The following SIN3B variants were observed in gnomAD, a reference collection of about 807,000 sequenced individuals.
SIN3B encodes the protein SIN3 transcription regulator family member B, also known as paired amphipathic helix protein Sin3b.
SIN3B carries 19 observed loss-of-function variants against 120.2 expected under a neutral mutation model. That is an observed-to-expected ratio of 0.16 (90% CI 0.11 to 0.23). SIN3B has a LOEUF of 0.23. SIN3B is among the 10% of genes least tolerant of loss of function. The probability of loss-of-function intolerance (pLI) is 1.00; values close to 1 mark genes in which losing one functional copy is unlikely to be tolerated. For missense variants in SIN3B, 1,073 were observed against 1,573.0 expected (o/e 0.68, Z 5.38); for synonymous variants, 654 against 653.2 (o/e 1.00, Z -0.02).
chr19:16,839,944 CAGTG>C (rs1971396206), intron 3 of SIN3B, among the ~76,000 whole-genome samples: 3 of 152,118 alleles, frequency 2.0e-5, no homozygotes, highest in Admixed American at 2.0e-4. Context: ...GCAAAGGTTG[CAGTG>C]AGCCGGGATC....
Position 16,869,801 on chromosome 19 carries a change from C to T in SIN3B, c.2148C>T (p.Phe716=), listed in dbSNP as rs750874708. 21 of 1,613,518 alleles carry T rather than the reference C, an allele frequency of 1.3e-5. No homozygotes were observed. The highest frequency in any genetic ancestry group is 1.2e-4 in the South Asian group (11 of 91,078). The change falls in exon 13 of 19, where the codon TTC becomes TTT. Residue 716 remains phenylalanine, a synonymous_variant. Transcript: ENST00000248054. The part of the protein sequence containing the change: ...HSSPPEEKGA[F]GDAPATEQPP... ...GCCCCCCAGAGGAGAAGGGGGCCTT[C>T]GGGGATGCCCCGGCCACTGAGCAGC...
intron 3 of SIN3B, among the ~76,000 whole-genome samples, chr19:16,832,338 C>G (rs1005103733): frequency 2.0e-5 from 3 of 151,780 alleles, no homozygotes; most frequent in African/African-American, 7.3e-5. Flanking sequence ...GCTGGGATTA[C>G]AGGTGTGCAC....
At chr19:16,829,715 T>C in intron 1 of SIN3B, 76 bp from the exon 2 acceptor site, 1 of 1,122,664 alleles carries the variant, frequency 8.9e-7, no homozygotes, top group Non-Finnish European at 1.2e-6. Context: ...GCCCATCCCC[T>C]TCCCCTCAGG....
chr19:16,835,480 C>T (rs1346349718), intron 3 of SIN3B, among the ~76,000 whole-genome samples: 2 of 144,672 alleles, frequency 1.4e-5, no homozygotes, highest in Non-Finnish European at 3.0e-5. Context: ...CTGCCCACCT[C>T]GGCCTCCCAA....
intron 4 of SIN3B, among the ~76,000 whole-genome samples, chr19:16,842,171 T>A (rs140942916): frequency 1.8e-3 from 280 of 152,178 alleles, no homozygotes; most frequent in African/African-American, 6.4e-3. Context: ...CATTGCAACC[T>A]CCACCTCCTG....
rs141227814 is a variant in SIN3B at position 16,841,775 on chromosome 19, C to T, written c.389C>T (p.Ser130Leu). The T allele has an allele frequency of 1.3e-4, 215 of 1,613,494 alleles. 1 individual carries two copies. Among genetic ancestry groups the T allele is most frequent in the South Asian group, 6.5e-4 (59 of 91,046 alleles). The change falls in exon 4 of 19, where the codon TCG becomes TTG. Residue 130 changes from serine to leucine, a missense_variant. This residue lies in a region of SIN3B where 395 missense variants were observed against 528.0 expected (regional missense o/e 0.75). Transcript: ENST00000248054. ...IQSPLTSQENSHNHGDGAEDF... is the reference protein window; with the variant it reads ...IQSPLTSQENLHNHGDGAEDF... ...TCATTGTCGCCTTGTCAGGAGAATT[C>T]GCACAACCACGGGGACGGTGCAGAG... is the stretch of plus-strand genomic sequence containing the variant.
rs1199134961 is a variant in SIN3B at position 16,862,575 on chromosome 19, G to C, written c.1266+16G>C. ...CTGCAAGGAGGTAGCGCTCCCTGGG[G>C]CTCAAATGTTCGTTGACATGGTGCA... is the stretch of plus-strand genomic sequence containing the variant. On this transcript the variant is annotated intron_variant, in intron 9 of 18. Coordinates refer to ENST00000248054, the MANE Select transcript of SIN3B (RefSeq NM_001297595.2). This position sits in a 1 kb window ranked among gnomAD's most constrained non-coding sequence, Gnocchi z 4.7. The C allele has an allele frequency of 1.9e-5, 30 of 1,606,512 alleles. No homozygotes were observed. Among genetic ancestry groups the C allele is most frequent in the Non-Finnish European group, 2.5e-5 (30 of 1,176,986 alleles).
At chr19:16,866,309 C>T (rs1420367707) in intron 11 of SIN3B, 64 bp from the exon 12 acceptor site, 25 of 1,510,920 alleles carry the variant, frequency 1.7e-5, no homozygotes, top group Non-Finnish European at 2.2e-5. Flanking sequence ...ACAGGCCAGC[C>T]CTGGGATGCT....
rs747740803 is a variant in SIN3B, at chr19:16,869,752, A to G, written c.2099A>G (p.Lys700Arg). Residue 700 changes from lysine (K) to arginine (R), a missense_variant, in exon 13 of 19, where the codon AAG becomes AGG. By Grantham distance (26) the Lys-to-Arg change is conservative. This residue lies in a region of SIN3B where 169 missense variants were observed against 207.3 expected (regional missense o/e 0.82). Transcript: ENST00000248054. ...GQTTDPSERK[K>R]PAPGPHSSPP... is the part of the protein sequence containing the mutation. ...ACCACAGACCCCAGTGAGCGGAAGA[A>G]GCCGGCGCCAGGACCCCACAGTAGC... The G allele has an allele frequency of 5.6e-6, 9 of 1,613,244 alleles. No individual in the cohort carries two copies. The highest frequency in any genetic ancestry group is 7.6e-6 in the Non-Finnish European group (9 of 1,179,922).
intron 14 of SIN3B, among the ~76,000 whole-genome samples, chr19:16,872,867 G>A (rs1252169079): frequency 6.6e-6 from 1 of 152,158 alleles, no homozygotes; most frequent in African/African-American, 2.4e-5. Flanking sequence ...GAGATGAACC[G>A]GCCAAGGATT....
chr19:16,831,471 C>T (rs1351086082), intron 2 of SIN3B, 23 bp from the exon 3 acceptor site: 1 of 1,609,242 alleles, frequency 6.2e-7, no homozygotes, highest in Admixed American at 1.7e-5. Context: ...GACCCTTTTG[C>T]CCACTTCCGT....
chr19:16,835,114 C>T (rs1032435944), intron 3 of SIN3B, among the ~76,000 whole-genome samples: 1 of 151,310 alleles, frequency 6.6e-6, no homozygotes, highest in Non-Finnish European at 1.5e-5. Flanking sequence ...TTAGTAGAGA[C>T]GGGGTTTCTC....
At chr19:16,839,168 A>G (rs1022405048) in intron 3 of SIN3B, among the ~76,000 whole-genome samples, 17 of 151,698 alleles carry the variant, frequency 1.1e-4, no homozygotes, top group Non-Finnish European at 1.8e-4. Flanking sequence ...GGGTTTTGCA[A>G]TGTTGGCCAG....
In SIN3B at chr19:16,829,914, T is replaced by C; in HGVS notation, c.227+17T>C. 2 of 1,578,846 alleles carry C rather than the reference T, an allele frequency of 1.3e-6. No homozygotes were observed. The highest frequency in any genetic ancestry group is 1.7e-6 in the Non-Finnish European group (2 of 1,148,660). Reference sequence around the variant, plus strand: ...AAGCCAGAGGTACCAGCGGGGCCCCTCTCCACCTCAGGGGACCCCCCTGGG... The same window carrying C: ...AAGCCAGAGGTACCAGCGGGGCCCCCCTCCACCTCAGGGGACCCCCCTGGG... On this transcript the variant is annotated intron_variant, in intron 2 of 18. Coordinates refer to ENST00000248054, the MANE Select transcript of SIN3B (RefSeq NM_001297595.2).
chr19:16,878,821 A>G lies in SIN3B; in HGVS notation c.*94A>G. 2 of 1,105,246 alleles carry G rather than the reference A, an allele frequency of 1.8e-6. No individual in the cohort carries two copies. Among genetic ancestry groups the G allele is most frequent in the Admixed American group, 4.6e-5 (2 of 43,812 alleles). The allele number at this position is 1,105,246 out of a possible 1,614,324, so 68.5% of individuals were successfully genotyped here. A position where few individuals can be genotyped will look rare whatever the true frequency, so the allele number is the denominator to read the frequency against. On this transcript the variant is annotated 3_prime_UTR_variant, in exon 19 of 19. Coordinates refer to ENST00000248054, the MANE Select transcript of SIN3B (RefSeq NM_001297595.2). ...GGGCCGTTTTCTTGAACGACGTGAG[A>G]GGCATCTCCCAGCCCCTCTGCTGCC...
chr19:16,878,518 C>T lies in SIN3B; in HGVS notation c.3184C>T (p.Arg1062Cys), dbSNP rs747918923. Residue 1062 changes from arginine to cysteine, a missense_variant, in exon 19 of 19, where the codon CGC becomes TGC. This residue lies in a region of SIN3B where 311 missense variants were observed against 400.3 expected (regional missense o/e 0.78). Coordinates refer to ENST00000248054, the MANE Select transcript of SIN3B (RefSeq NM_001297595.2). ...AKQVQPLVLL[R>C]HHQHFEEWHS... ...ACAGGTGCAGCCCCTGGTCCTGCTC[C>T]GCCACCACCAGCACTTTGAGGAGTG... 7 of 1,581,780 alleles carry T rather than the reference C, an allele frequency of 4.4e-6. No individual in the cohort carries two copies. The highest frequency in any genetic ancestry group is 1.7e-4 in the Middle Eastern group (1 of 6,054).
At chr19:16,865,304 A>ACCCCCC (rs1201293492) in intron 10 of SIN3B, 106 bp from the exon 11 acceptor site, 5 of 463,812 alleles carry the variant, frequency 1.1e-5, no homozygotes, top group African/African-American at 6.2e-5. Flanking sequence ...TTAAATACAC[A>ACCCCCC]CACCCCCCCC....
At chr19:16,842,566 C>G (rs1428786235) in intron 4 of SIN3B, among the ~76,000 whole-genome samples, 1 of 152,102 alleles carries the variant, frequency 6.6e-6, no homozygotes, top group Non-Finnish European at 1.5e-5. Context: ...GTCACCACAC[C>G]TGGCCAAGAC....
In SIN3B at chr19:16,862,593, A is replaced by G. The variant is rs958813409; in HGVS notation, c.1266+34A>G. ...CCCTGGGGCTCAAATGTTCGTTGAC[A>G]TGGTGCATCCCCCACCCCTCCCCAG... On this transcript the variant is annotated intron_variant, in intron 9 of 18. Coordinates refer to ENST00000248054, the MANE Select transcript of SIN3B (RefSeq NM_001297595.2). The surrounding 1 kb of genome is among the most constrained non-coding windows in gnomAD (Gnocchi z 4.7). The G allele has an allele frequency of 3.2e-6, 5 of 1,570,390 alleles. No individual in the cohort carries two copies. Among genetic ancestry groups the G allele is most frequent in the African/African-American group, 1.4e-5 (1 of 73,880 alleles).
Sources: gnomAD v4.1 joint callset for allele counts (sites outside exome capture counted in the v4.1 genomes callset) on GRCh38, gnomAD v4.1.1 for gene constraint, gnomAD v4.1.1 regional missense constraint, Gnocchi (gnomAD v3.1) non-coding constraint, MANE v1.5 for transcripts, NCBI Gene and HGNC (gene_info 2026-07-23, HGNC 2026-07-21) for gene names.